KIF5C: variants seen among roughly 807,000 people sequenced by gnomAD.
KIF5C encodes kinesin family member 5C.
In KIF5C, 18 loss-of-function variants were observed where a neutral mutation model predicts 125.2. The ratio of observed to expected loss-of-function variants is 0.14; its 90% CI spans 0.10 to 0.21. The LOEUF is 0.21. KIF5C is among the 10% of genes least tolerant of loss of function. The pLI, the probability that KIF5C is intolerant of heterozygous loss-of-function variation, is 1.00. For missense variants in KIF5C, 780 were observed against 1,183.8 expected (o/e 0.66, Z 5.01); for synonymous variants, 405 against 434.0 (o/e 0.93, Z 0.83).
intron 22 of KIF5C, among the ~76,000 whole-genome samples, chr2:149,005,835 A>C (rs1681989836): frequency 6.6e-6 from 1 of 152,128 alleles, no homozygotes; most frequent in African/African-American, 2.4e-5. Context: ...AGAGCCTCTT[A>C]TTTGTTTGTT....
At chr2:149,018,502 A>G (rs1336723632) in intron 25 of KIF5C, among the ~76,000 whole-genome samples, 3 of 152,152 alleles carry the variant, frequency 2.0e-5, no homozygotes, top group Non-Finnish European at 2.9e-5. Context: ...CAGTTCTCAA[A>G]GTTCTTGGCC....
rs542584556 is a variant in KIF5C at position 148,930,908 on chromosome 2, T to C, written c.291+1554T>C. On this transcript the variant is annotated intron_variant, in intron 3 of 25. Coordinates refer to ENST00000435030, the MANE Select transcript of KIF5C (RefSeq NM_004522.3). ...CGCCACCCTGCTATCCTCACGCTCC[T>C]GTCCCGGCCCCTCGCCTTTCCCTCT... Among the ~76,000 whole-genome samples, 3 of 152,284 alleles carry C rather than the reference T, an allele frequency of 2.0e-5. No individual in the cohort carries two copies. In the South Asian group the frequency reaches 6.2e-4, roughly 32 times the overall value.
chr2:148,921,133 T>A (rs899501165), intron 1 of KIF5C, among the ~76,000 whole-genome samples: 1 of 152,180 alleles, frequency 6.6e-6, no homozygotes, highest in African/African-American at 2.4e-5. Flanking sequence ...GGCACCTAAA[T>A]GCCCAGTAAC....
rs1682205415 is a variant in KIF5C at position 149,011,686 on chromosome 2, G to A, written c.*7+3G>A. The A allele has an allele frequency of 6.2e-7, 1 of 1,613,978 alleles. No individual in the cohort carries two copies. On this transcript the variant is annotated splice_donor_region_variant and intron_variant, in intron 25 of 25. Transcript: ENST00000435030. ...TCACTACCAGAAATAAATACAAAGT[G>A]AGTCCCATGTCAAGGGTGGTTTCTC...
chr2:149,009,985 G>T, intron 23 of KIF5C, 150 bp from the exon 24 acceptor site: 1 of 1,325,798 alleles, frequency 7.5e-7, no homozygotes, highest in Non-Finnish European at 1.0e-6. Flanking sequence ...CACAGTCTGA[G>T]TTTTCCTTTC....
At chr2:148,944,299 C>T (rs1418515031) in intron 7 of KIF5C, among the ~76,000 whole-genome samples, 1 of 152,184 alleles carries the variant, frequency 6.6e-6, no homozygotes, top group Admixed American at 6.5e-5. Flanking sequence ...AACCAAAACT[C>T]TGTACCCAAT....
chr2:148,877,322 G>C (rs1681221649), intron 1 of KIF5C: 1 of 152,260 alleles, frequency 6.6e-6, no homozygotes, highest in Non-Finnish European at 1.5e-5. Context: ...GTGTGGATGG[G>C]CGATCATTCT....
intron 1 of KIF5C, chr2:148,878,434 A>G (rs1681255253): frequency 6.6e-6 from 1 of 152,226 alleles, no homozygotes; most frequent in Non-Finnish European, 1.5e-5. Context: ...ATATACTACA[A>G]TTTGTCTACT....
chr2:148,966,114 C>T lies in KIF5C; in HGVS notation c.1117+3995C>T, dbSNP rs1001299857. On this transcript the variant is annotated intron_variant, in intron 11 of 25. Coordinates refer to ENST00000435030, the MANE Select transcript of KIF5C (RefSeq NM_004522.3). ...GCCAACTTTCCTTTGAAACTTGACA[C>T]GCACATTGGTTCTAAACTTACAGAA... Among the ~76,000 whole-genome samples, 5 of 152,280 alleles carry T rather than the reference C, an allele frequency of 3.3e-5. No individual in the cohort carries two copies. In the East Asian group the frequency reaches 5.8e-4, roughly 18 times the overall value.
intron 12 of KIF5C, 138 bp from the exon 13 acceptor site, chr2:148,978,780 ATCTG>A (rs1402842447): frequency 2.8e-5 from 33 of 1,165,876 alleles, no homozygotes; most frequent in Non-Finnish European, 4.5e-6. Context: ...AGATCTCGGA[ATCTG>A]TCTGTTTTCT....
At chr2:148,905,003 A>T (rs1229593392) in intron 1 of KIF5C, among the ~76,000 whole-genome samples, 1 of 152,228 alleles carries the variant, frequency 6.6e-6, no homozygotes, top group Non-Finnish European at 1.5e-5. Context: ...TAATAAAAGG[A>T]AAGAACAGGT....
chr2:148,909,047 C>G (rs555289622), intron 1 of KIF5C, among the ~76,000 whole-genome samples: 7 of 152,316 alleles, frequency 4.6e-5, no homozygotes, highest in Non-Finnish European at 7.3e-5. Flanking sequence ...TTCTTTGCCT[C>G]CCAGGCACCA....
In KIF5C at chr2:148,983,750, C is replaced by T. The variant is rs1297108227; in HGVS notation, c.1700C>T (p.Thr567Ile). The T allele has an allele frequency of 9.3e-6, 15 of 1,606,856 alleles. No homozygotes were observed. Among genetic ancestry groups the T allele is most frequent in the Non-Finnish European group, 1.3e-5 (15 of 1,176,372 alleles). ...GGGGAGATAGGTGGAATTATTGGCA[C>T]CAATGATGTGAAAACTGTAAGCCAG... is the stretch of plus-strand genomic sequence containing the variant. ...DLGEIGGIIG[T>I]NDVKTLADVN... Residue 567 changes from threonine (T) to isoleucine (I), a missense_variant, in exon 15 of 26, where the codon ACC becomes ATC. Thr to Ile is a moderately conservative substitution (Grantham distance 89). Transcript: ENST00000435030.
At chr2:148,942,048 A>G in intron 6 of KIF5C, 58 bp downstream of exon 6, 1 of 1,575,650 alleles carries the variant, frequency 6.3e-7, no homozygotes, top group Non-Finnish European at 8.7e-7. Context: ...CTGTCATAAT[A>G]ATTATTACAT....
chr2:149,016,839 A>G (rs919636488), intron 25 of KIF5C, among the ~76,000 whole-genome samples: 1 of 152,140 alleles, frequency 6.6e-6, no homozygotes, highest in Non-Finnish European at 1.5e-5. Context: ...AGGTGGGCAC[A>G]GCAGAGAGGG....
At chr2:148,930,764 A>G (rs1431929646) in intron 3 of KIF5C, among the ~76,000 whole-genome samples, 2 of 152,200 alleles carry the variant, frequency 1.3e-5, no homozygotes, top group Non-Finnish European at 2.9e-5. Flanking sequence ...CACAGATTAA[A>G]GGAAGCATGA....
chr2:148,888,389 C>A (rs1398923042), intron 1 of KIF5C: 1 of 152,218 alleles, frequency 6.6e-6, no homozygotes, highest in East Asian at 1.9e-4. Context: ...GTCCCTCTGC[C>A]CCGCAGGACA....
intron 11 of KIF5C, among the ~76,000 whole-genome samples, chr2:148,963,158 C>CT (rs149454475): frequency 0.092 from 13,182 of 143,070 alleles, 659 homozygotes; most frequent in Middle Eastern, 0.19. Flanking sequence ...AGGTAGAAGG[C>CT]TTTTTTTTTT....
rs151238332 is a variant in KIF5C, at chr2:148,969,422, AGTGTGTGTGTGTGTGT to A, written c.1118-3889_1118-3874del. ...TTATTTAAAGAAGGGGAAGGTTTCC[AGTGTGTGTGTGTGTGT>A]GTGTGTGTGTGTGTGTGTGTGTGTA... On this transcript the variant is annotated intron_variant, in intron 11 of 25. Coordinates refer to ENST00000435030, the MANE Select transcript of KIF5C (RefSeq NM_004522.3). 2.8e-5 allele frequency among the ~76,000 whole-genome samples: 4 copies of A among 141,286 alleles called. No individual in the cohort carries two copies. The South Asian group carries it at 9.5e-4, about 34-fold the overall frequency. 92.7% of individuals were successfully genotyped at this position (141,286 alleles called of 152,430 possible).
Sources: allele counts gnomAD v4.1 joint callset (sites outside exome capture counted in the v4.1 genomes callset), GRCh38; gene constraint gnomAD v4.1.1; transcripts MANE v1.5; gene names NCBI Gene and HGNC (gene_info 2026-07-23, HGNC 2026-07-21).